CACNA2D3: variants seen among roughly 807,000 people sequenced by gnomAD.
CACNA2D3 encodes the protein calcium voltage-gated channel auxiliary subunit alpha2delta 3, also known as voltage-dependent calcium channel subunit alpha-2/delta-3.
CACNA2D3 carries 60 observed loss-of-function variants against 160.6 expected under a neutral mutation model. The ratio of observed to expected loss-of-function variants is 0.37; its 90% CI spans 0.30 to 0.46. The LOEUF is 0.46. Among genes scored for constraint, CACNA2D3 ranks in the 20% least tolerant of loss-of-function variants. The probability of loss-of-function intolerance (pLI) is 1.00; values close to 1 mark genes in which losing one functional copy is unlikely to be tolerated. For synonymous variants in CACNA2D3, 558 were observed against 492.9 expected (o/e 1.13, Z -1.75); for missense variants, 1,205 against 1,365.0 (o/e 0.88, Z 1.85).
intron 9 of CACNA2D3, among the ~76,000 whole-genome samples, chr3:54,619,012 G>T (rs1006978229): frequency 8.5e-5 from 13 of 152,228 alleles, no homozygotes; most frequent in Non-Finnish European, 1.5e-4. Flanking sequence ...GTTCATAAAG[G>T]ATACATGGAG....
chr3:54,725,174 A>T (rs1013073374), intron 11 of CACNA2D3, among the ~76,000 whole-genome samples: 1 of 152,224 alleles, frequency 6.6e-6, no homozygotes, highest in Admixed American at 6.5e-5. Context: ...AGAAATGGAT[A>T]AATTTCTTGA....
chr3:54,346,749 G>C (rs573337989), intron 3 of CACNA2D3, among the ~76,000 whole-genome samples: 1 of 152,210 alleles, frequency 6.6e-6, no homozygotes, highest in African/African-American at 2.4e-5. Context: ...AGTTCTAAGG[G>C]TTTTAACAAG....
chr3:54,152,499 TC>T (rs1405762229), intron 2 of CACNA2D3, among the ~76,000 whole-genome samples: 2 of 152,220 alleles, frequency 1.3e-5, no homozygotes, highest in Non-Finnish European at 2.9e-5. Context: ...CTCAAATATT[TC>T]TAAAGGAATA....
chr3:54,445,275 A>G (rs1207515679), intron 4 of CACNA2D3, among the ~76,000 whole-genome samples: 1 of 152,248 alleles, frequency 6.6e-6, no homozygotes, highest in Non-Finnish European at 1.5e-5. Context: ...TTTGGAAACG[A>G]ACCATCTCAT....
intron 9 of CACNA2D3, among the ~76,000 whole-genome samples, chr3:54,625,767 C>A (rs1255960705): frequency 6.6e-6 from 1 of 152,200 alleles, no homozygotes; most frequent in African/African-American, 2.4e-5. Flanking sequence ...AGCTCAATGA[C>A]TGGGGGCTCC....
At chr3:54,660,925 A>G (rs958282699) in intron 11 of CACNA2D3, among the ~76,000 whole-genome samples, 1 of 152,210 alleles carries the variant, frequency 6.6e-6, no homozygotes, top group African/African-American at 2.4e-5. Flanking sequence ...TATCTAGAAA[A>G]GAAAACAGCT....
chr3:54,233,043 T>C (rs1701805535), intron 2 of CACNA2D3, among the ~76,000 whole-genome samples: 1 of 152,166 alleles, frequency 6.6e-6, no homozygotes, highest in Non-Finnish European at 1.5e-5. Flanking sequence ...AAGACAAATA[T>C]GGCGGGCTAA....
At chr3:54,716,256 C>T (rs1441836433) in intron 11 of CACNA2D3, among the ~76,000 whole-genome samples, 2 of 152,058 alleles carry the variant, frequency 1.3e-5, no homozygotes, top group Admixed American at 6.5e-5. Context: ...AGATCTCAAA[C>T]AGTTGGGAGG....
chr3:54,898,379 T>C (rs1700249123), intron 26 of CACNA2D3, among the ~76,000 whole-genome samples: 2 of 151,802 alleles, frequency 1.3e-5, no homozygotes, highest in East Asian at 1.9e-4. Context: ...CCCGCCACCA[T>C]ACCCAGCTAA....
chr3:54,416,262 C>A (rs181348803), intron 4 of CACNA2D3, among the ~76,000 whole-genome samples: 2 of 152,172 alleles, frequency 1.3e-5, no homozygotes, highest in Non-Finnish European at 2.9e-5. Context: ...GCACACCTGC[C>A]CAAGATTATG....
In CACNA2D3 at chr3:54,147,307, G is replaced by C. The variant is rs565964771; in HGVS notation, c.204+23713G>C. On this transcript the variant is annotated intron_variant, in intron 2 of 37. Transcript: ENST00000474759. Reference sequence around the variant, plus strand: ...GGACCTTGAGTGTCTAAGGCCGTCAGCTTGGCACAGAGGAAGCGTTGGCTC... The same window carrying C: ...GGACCTTGAGTGTCTAAGGCCGTCACCTTGGCACAGAGGAAGCGTTGGCTC... Among the ~76,000 whole-genome samples, 52 of 152,326 alleles carry C rather than the reference G, an allele frequency of 3.4e-4. No individual in the cohort carries two copies. In the Middle Eastern group the frequency reaches 0.02, roughly 60 times the overall value.
chr3:54,741,961 C>G (rs1701657826), intron 11 of CACNA2D3, among the ~76,000 whole-genome samples: 1 of 151,554 alleles, frequency 6.6e-6, no homozygotes, highest in Admixed American at 6.6e-5. Context: ...CACTGCAACC[C>G]TGACTACTGC....
At chr3:54,867,908 C>T (rs990580767) in intron 17 of CACNA2D3, among the ~76,000 whole-genome samples, 2 of 152,214 alleles carry the variant, frequency 1.3e-5, no homozygotes, top group African/African-American at 4.8e-5. Context: ...ACTGATCAGG[C>T]CACATGAAGG....
chr3:54,750,150 G>C (rs916621089), intron 11 of CACNA2D3, among the ~76,000 whole-genome samples: 2 of 152,176 alleles, frequency 1.3e-5, no homozygotes, highest in Non-Finnish European at 1.5e-5. Flanking sequence ...TATTGTTCTG[G>C]AGTTTTAACT....
chr3:54,735,145 C>G (rs565990744), intron 11 of CACNA2D3, among the ~76,000 whole-genome samples: 218 of 152,358 alleles, frequency 1.4e-3, no homozygotes, highest in African/African-American at 5.0e-3. Context: ...TACACATTTC[C>G]TGGACTTCTT....
At chr3:55,060,969 C>A (rs1020391265) in intron 35 of CACNA2D3, among the ~76,000 whole-genome samples, 4 of 152,148 alleles carry the variant, frequency 2.6e-5, no homozygotes, top group African/African-American at 9.7e-5. Context: ...GCTGACAATG[C>A]CAAAGAACCT....
intron 26 of CACNA2D3, 80 bp from the exon 27 acceptor site, chr3:54,899,708 T>G: frequency 9.3e-7 from 1 of 1,071,892 alleles, no homozygotes; most frequent in Non-Finnish European, 1.4e-6. Flanking sequence ...AATTGGTGAC[T>G]GTAGACCGAT....
intron 26 of CACNA2D3, among the ~76,000 whole-genome samples, 184 bp from the exon 27 acceptor site, chr3:54,899,604 C>T (rs865799332): frequency 9.2e-5 from 14 of 152,160 alleles, no homozygotes; most frequent in East Asian, 5.8e-4. Context: ...TGGGAGGACT[C>T]GCAGCACTGC....
chr3:54,716,310 C>T (rs1701048855), intron 11 of CACNA2D3, among the ~76,000 whole-genome samples: 1 of 152,080 alleles, frequency 6.6e-6, no homozygotes, highest in Admixed American at 6.5e-5. Flanking sequence ...AAAAGAGACA[C>T]AGGCCACAGT....
Sources: gnomAD v4.1 joint callset for allele counts (sites outside exome capture counted in the v4.1 genomes callset) on GRCh38, gnomAD v4.1.1 for gene constraint, MANE v1.5 for transcripts, NCBI Gene and HGNC (gene_info 2026-07-23, HGNC 2026-07-21) for gene names.